The following RSPH14 variants were observed in gnomAD, a reference collection of about 807,000 sequenced individuals.
The protein encoded by RSPH14 is radial spoke head 14 homolog.
Under a neutral mutation model 26.7 loss-of-function variants are expected in RSPH14, and 20 were observed. The observed-to-expected ratio is 0.75, with a 90% CI of 0.53 to 1.09. The LOEUF (loss-of-function observed/expected upper bound fraction) is 1.09. Among genes scored for constraint, RSPH14 ranks in the 50% least tolerant of loss-of-function variants. The probability of loss-of-function intolerance (pLI) is 0.00; values close to 1 mark genes in which losing one functional copy is unlikely to be tolerated. For synonymous variants in RSPH14, 177 were observed against 189.3 expected (o/e 0.93, Z 0.53); for missense variants, 449 against 457.2 (o/e 0.98, Z 0.16).
intron 4 of RSPH14, among the ~76,000 whole-genome samples, chr22:23,093,521 T>C (rs2069045885): frequency 6.6e-6 from 1 of 152,188 alleles, no homozygotes; most frequent in South Asian, 2.1e-4. Flanking sequence ...AGCTGAGGGC[T>C]GCTATGGAGG....
intron 5 of RSPH14, among the ~76,000 whole-genome samples, chr22:23,063,283 G>A (rs1046912602): frequency 3.9e-5 from 6 of 152,314 alleles, no homozygotes; most frequent in African/African-American, 1.4e-4. Flanking sequence ...AGGACTTAGG[G>A]AAGGCAAGAG....
intron 6 of RSPH14, 125 bp downstream of exon 6, chr22:23,061,684 G>GT: frequency 8.8e-7 from 1 of 1,131,638 alleles, no homozygotes; most frequent in Non-Finnish European, 1.2e-6. Context: ...GCCAAGGGGA[G>GT]GTTTTTTTTT....
At chr22:23,066,727 C>T (rs2068219639) in intron 4 of RSPH14, among the ~76,000 whole-genome samples, 1 of 152,070 alleles carries the variant, frequency 6.6e-6, no homozygotes, top group Admixed American at 6.6e-5. Context: ...ATCCACCCAA[C>T]TGGGCGGCAG....
chr22:23,157,974 CT>C, the RSPH14 span: 4 of 1,614,008 alleles, frequency 2.5e-6, no homozygotes, highest in Non-Finnish European at 3.4e-6. Flanking sequence ...TGGCTGTTGG[CT>C]TTTTCCGGGT....
chr22:23,161,658 C>T, the RSPH14 span: 332 of 1,137,210 alleles, frequency 2.9e-4, no homozygotes, highest in Admixed American at 3.0e-4. Context: ...AGCTCTGCAG[C>T]GTGTCGCCCT....
upstream of RSPH14, chr22:23,146,479 T>A: frequency 7.2e-7 from 1 of 1,398,416 alleles, no homozygotes; most frequent in Non-Finnish European, 9.4e-7. Flanking sequence ...CCCAAAGTGC[T>A]GGGATTACAG....
rs1455376033 is a variant in RSPH14 at position 23,069,218 on chromosome 22, TCTGCCATGGTCAGGTCCAGGG to T, written c.422-5106_422-5086del. ...TGATGGAGAGACCGCTCCATGGACC[TCTGCCATGGTCAGGTCCAGGG>T]CTGCTGCTCAAAGAATGGCATGATC... On this transcript the variant is annotated intron_variant, in intron 4 of 6. Coordinates refer to ENST00000216036, the MANE Select transcript of RSPH14 (RefSeq NM_014433.3). Among the ~76,000 whole-genome samples, 3 of 152,326 alleles carry T rather than the reference TCTGCCATGGTCAGGTCCAGGG, an allele frequency of 2.0e-5. No homozygotes were observed. In the East Asian group the frequency reaches 5.8e-4, roughly 29 times the overall value.
intron 2 of RSPH14, among the ~76,000 whole-genome samples, chr22:23,139,761 T>C (rs997414056): frequency 7.2e-5 from 11 of 152,236 alleles, no homozygotes; most frequent in Non-Finnish European, 1.5e-5. Flanking sequence ...GTGGCCTTTC[T>C]AAGGATTAAG....
the RSPH14 span, chr22:23,179,841 G>C: frequency 4.7e-6 from 1 of 212,622 alleles, no homozygotes; most frequent in East Asian, 9.9e-5. Context: ...CTGTGAGTTG[G>C]GCCCTGCTGG....
intron 4 of RSPH14, among the ~76,000 whole-genome samples, chr22:23,111,777 C>T (rs1301842761): frequency 6.6e-6 from 1 of 152,204 alleles, no homozygotes; most frequent in African/African-American, 2.4e-5. Flanking sequence ...CGGCCAGGCT[C>T]CACAGGGCAA....
chr22:23,137,466 G>A (rs2070502142), intron 3 of RSPH14, among the ~76,000 whole-genome samples: 1 of 151,978 alleles, frequency 6.6e-6, no homozygotes, highest in African/African-American at 2.4e-5. Context: ...GTGGGTAGAA[G>A]AGGCAGAAGA....
chr22:23,088,534 T>C (rs942171687), intron 4 of RSPH14, among the ~76,000 whole-genome samples: 2 of 152,196 alleles, frequency 1.3e-5, no homozygotes, highest in African/African-American at 2.4e-5. Context: ...TGCTGAGTCA[T>C]AGCCCCGCTT....
chr22:23,086,539 A>G (rs1601772993), intron 4 of RSPH14, among the ~76,000 whole-genome samples: 1 of 152,296 alleles, frequency 6.6e-6, no homozygotes, highest in Non-Finnish European at 1.5e-5. Context: ...GAGCAGGCAC[A>G]CTATAGTTGA....
chr22:23,072,444 A>T (rs1192109564), intron 4 of RSPH14, among the ~76,000 whole-genome samples: 1 of 152,236 alleles, frequency 6.6e-6, no homozygotes, highest in African/African-American at 2.4e-5. Flanking sequence ...TTTCTGAGAC[A>T]GGAGGTGAAT....
intron 4 of RSPH14, among the ~76,000 whole-genome samples, chr22:23,117,856 G>A (rs913528938): frequency 6.6e-6 from 1 of 152,316 alleles, no homozygotes; most frequent in Non-Finnish European, 1.5e-5. Context: ...GAACCTTGGT[G>A]GAGAATCAGG....
intron 4 of RSPH14, among the ~76,000 whole-genome samples, chr22:23,130,059 AAAAGAAAGAAAGAAAGAAAGAAAGG>A (rs2070279607): frequency 7.6e-6 from 1 of 131,148 alleles, no homozygotes. Flanking sequence ...AAGAGAAAGA[AAAAGAAAGAAAGAAAGAAAGAAAGG>A]AAGAAAGAAA....
At chr22:23,117,289 G>C (rs2069872797) in intron 4 of RSPH14, among the ~76,000 whole-genome samples, 1 of 152,188 alleles carries the variant, frequency 6.6e-6, no homozygotes, top group East Asian at 1.9e-4. Flanking sequence ...TTTTAAGTAA[G>C]GTCCAGGTGG....
chr22:23,167,048 C>T, the RSPH14 span, among the ~76,000 whole-genome samples: 1 of 152,088 alleles, frequency 6.6e-6, no homozygotes, highest in African/African-American at 2.4e-5. Context: ...GAGGTGCAGA[C>T]AGCTGAAGAG....
chr22:23,123,624 GACAC>G, intron 4 of RSPH14: 1 of 595,030 alleles, frequency 1.7e-6, no homozygotes, highest in Non-Finnish European at 3.0e-6. Flanking sequence ...TAGGTAGATA[GACAC>G]ACACACATGC....
Sources: gnomAD v4.1 joint callset for allele counts (sites outside exome capture counted in the v4.1 genomes callset) on GRCh38, gnomAD v4.1.1 for gene constraint, MANE v1.5 for transcripts, NCBI Gene and HGNC (gene_info 2026-07-23, HGNC 2026-07-21) for gene names.